DLGAP2: variants seen among roughly 807,000 people sequenced by gnomAD.
DLGAP2 encodes disks large-associated protein 2.
In DLGAP2, 26 loss-of-function variants were observed where a neutral mutation model predicts 100.3. The observed-to-expected ratio is 0.26, with a 90% CI of 0.19 to 0.36. DLGAP2 has a LOEUF of 0.36. Ranked by LOEUF, DLGAP2 falls within the 10% of genes least tolerant of loss-of-function variation. The pLI is 1.00. For missense variants in DLGAP2, 1,858 were observed against 1,453.2 expected, an observed-to-expected ratio of 1.28 and a Z score of -4.53; for synonymous variants, 886 against 630.1, an observed-to-expected ratio of 1.41 and a Z score of -6.08.
At chr8:1,212,189 GTTCATGATCT>G (rs1339747702) in intron 2 of DLGAP2, among the ~76,000 whole-genome samples, 16 of 152,180 alleles carry the variant, frequency 1.1e-4, no homozygotes, top group Non-Finnish European at 2.1e-4. Context: ...AGAGCCTCAT[GTTCATGATCT>G]TTCAATCTTT....
intron 4 of DLGAP2, among the ~76,000 whole-genome samples, chr8:1,503,160 A>C (rs1799784074): frequency 6.6e-6 from 1 of 152,132 alleles, no homozygotes; most frequent in Non-Finnish European, 1.5e-5. Flanking sequence ...TTTTCATCTT[A>C]GCCCTTTGTA....
chr8:997,751 C>T (rs1325853525), intron 2 of DLGAP2, among the ~76,000 whole-genome samples: 1 of 152,262 alleles, frequency 6.6e-6, no homozygotes, highest in African/African-American at 2.4e-5. Context: ...AATGAAAGTA[C>T]TATTCCTGCG....
rs112400604 is a variant in DLGAP2 at position 1,388,625 on chromosome 8, T to C, written c.107-112741T>C. Among the ~76,000 whole-genome samples the C allele has an allele frequency of 2.2e-4, 8 of 37,080 alleles. 1 individual carries two copies. Among genetic ancestry groups the C allele is most frequent in the African/African-American group, 7.8e-4 (8 of 10,234 alleles). 24.3% of individuals were successfully genotyped at this position (37,080 alleles called of 152,430 possible). On this transcript the variant is annotated intron_variant, in intron 3 of 14. Transcript: ENST00000637795. Reference sequence around the variant, plus strand: ...GAGCAGAGGCCGTGGATGGGGAGGCTCTGGTTCAGGTGTCAGGGCTGTGAG... The same window carrying C: ...GAGCAGAGGCCGTGGATGGGGAGGCCCTGGTTCAGGTGTCAGGGCTGTGAG...
intron 2 of DLGAP2, among the ~76,000 whole-genome samples, chr8:957,177 C>A (rs1799615452): frequency 6.6e-6 from 1 of 152,158 alleles, no homozygotes; most frequent in Non-Finnish European, 1.5e-5. Context: ...GAGTCCTGGA[C>A]CTGGCATAGG....
chr8:1,344,287 G>A (rs1003679610), intron 3 of DLGAP2, among the ~76,000 whole-genome samples: 1 of 152,168 alleles, frequency 6.6e-6, no homozygotes, highest in African/African-American at 2.4e-5. Context: ...AGGCATTGTG[G>A]GTGGCTGGCG....
At chr8:1,565,360 A>C (rs897867166) in intron 5 of DLGAP2, 2 of 254,398 alleles carry the variant, frequency 7.9e-6, no homozygotes, top group Non-Finnish European at 1.5e-5. Context: ...ATTTCCTCTT[A>C]TACCAGAGGG....
intron 8 of DLGAP2, among the ~76,000 whole-genome samples, chr8:1,663,108 G>A (rs1490697306): frequency 7.6e-6 from 1 of 131,588 alleles, no homozygotes; most frequent in African/African-American, 2.9e-5. Flanking sequence ...ATGTGTGCCT[G>A]TGTGTACACA....
At chr8:1,675,103 C>G (rs1038752261) in intron 10 of DLGAP2, among the ~76,000 whole-genome samples, 1 of 152,244 alleles carries the variant, frequency 6.6e-6, no homozygotes, top group African/African-American at 2.4e-5. Context: ...AGTCTAGGGT[C>G]AGCTTCTGCA....
chr8:1,127,024 TC>T (rs1455968430), intron 2 of DLGAP2, among the ~76,000 whole-genome samples: 7 of 147,380 alleles, frequency 4.7e-5, no homozygotes, highest in Non-Finnish European at 1.0e-4. Context: ...GCCCACCCTG[TC>T]CCCAGCCCAG....
At chr8:1,534,267 A>C (rs73672789) in intron 4 of DLGAP2, among the ~76,000 whole-genome samples, 2,834 of 152,340 alleles carry the variant, frequency 0.019, 89 homozygotes, top group African/African-American at 0.064. Context: ...GTGTGTCACA[A>C]GGCAAATTTT....
chr8:1,490,903 T>A (rs34720052), intron 3 of DLGAP2, among the ~76,000 whole-genome samples: 79,631 of 146,730 alleles, frequency 0.54, 22,918 homozygotes, highest in Admixed American at 0.66. Context: ...AGGGATAGCA[T>A]TAGGAGATAT....
rs1801697350 is a variant in DLGAP2 at position 1,549,782 on chromosome 8, T to C, written c.1230+99T>C. The C allele has an allele frequency of 5.5e-6, 7 of 1,267,254 alleles. No individual in the cohort carries two copies. In the Admixed American group the frequency reaches 1.4e-4, roughly 25 times the overall value. The allele number at this position is 1,267,254 out of a possible 1,614,324, so 78.5% of individuals were successfully genotyped here. Reference sequence around the variant, plus strand: ...GACAGATAACAACTGCATACACATTTAGGTTGTGCAACAGGATGTTCTGAG... The same window carrying C: ...GACAGATAACAACTGCATACACATTCAGGTTGTGCAACAGGATGTTCTGAG... On this transcript the variant is annotated intron_variant, in intron 5 of 14. Coordinates refer to ENST00000637795, the MANE Select transcript of DLGAP2 (RefSeq NM_001346810.2).
At chr8:1,223,819 T>C (rs1427730522) in intron 2 of DLGAP2, among the ~76,000 whole-genome samples, 1 of 152,236 alleles carries the variant, frequency 6.6e-6, no homozygotes, top group East Asian at 1.9e-4. Flanking sequence ...GGCAGAGATT[T>C]ATTAAGCACC....
intron 2 of DLGAP2, among the ~76,000 whole-genome samples, chr8:1,159,969 T>C (rs1421122672): frequency 6.6e-6 from 1 of 152,050 alleles, no homozygotes; most frequent in East Asian, 1.9e-4. Context: ...ACCTGAAAGG[T>C]CTTGGCGTTG....
intron 2 of DLGAP2, among the ~76,000 whole-genome samples, chr8:1,199,022 G>C (rs1293158731): frequency 6.6e-6 from 1 of 152,262 alleles, no homozygotes; most frequent in African/African-American, 2.4e-5. Context: ...ATGCAGCAGA[G>C]GTCGCGTGGT....
intron 2 of DLGAP2, among the ~76,000 whole-genome samples, chr8:952,155 C>T (rs1460462123): frequency 6.6e-6 from 1 of 152,194 alleles, no homozygotes; most frequent in Non-Finnish European, 1.5e-5. Flanking sequence ...ATTGATGGAA[C>T]CACCTTGTAA....
intron 2 of DLGAP2, among the ~76,000 whole-genome samples, chr8:1,253,320 T>G (rs6992173): frequency 0.76 from 116,001 of 152,040 alleles, 44,949 homozygotes; most frequent in Middle Eastern, 0.88. Flanking sequence ...CCAGGGCCCC[T>G]TTATCTCCCG....
intron 3 of DLGAP2, among the ~76,000 whole-genome samples, chr8:1,440,302 G>C (rs1294088100): frequency 6.6e-6 from 1 of 152,124 alleles, no homozygotes; most frequent in Non-Finnish European, 1.5e-5. Context: ...ACAGTTTATT[G>C]AATTTAACAT....
At chr8:1,642,167 C>T (rs377422906) in intron 8 of DLGAP2, among the ~76,000 whole-genome samples, 9 of 15,602 alleles carry the variant, frequency 5.8e-4, no homozygotes, top group South Asian at 0.01. Flanking sequence ...CCGCCGGTCC[C>T]CACCTGTGTC....
Sources: allele counts gnomAD v4.1 joint callset (sites outside exome capture counted in the v4.1 genomes callset), GRCh38; gene constraint gnomAD v4.1.1; transcripts MANE v1.5; gene names NCBI Gene and HGNC (gene_info 2026-07-23, HGNC 2026-07-21).